The following ARHGAP26 variants were observed in gnomAD, a reference collection of about 807,000 sequenced individuals.
The protein encoded by ARHGAP26 is rho GTPase-activating protein 26.
ARHGAP26 carries 38 observed loss-of-function variants against 104.8 expected under a neutral mutation model. The ratio of observed to expected loss-of-function variants is 0.36; its 90% confidence interval spans 0.28 to 0.48. The LOEUF (loss-of-function observed/expected upper bound fraction) is 0.48, where lower values mean the gene tolerates loss of function less well. Among genes scored for constraint, ARHGAP26 ranks in the 20% least tolerant of loss-of-function variants. ARHGAP26 has a pLI of 0.99. For missense variants in ARHGAP26, 704 were observed against 947.9 expected (o/e 0.74, Z 3.38); for synonymous variants, 341 against 340.0 (o/e 1.00, Z -0.03).
At chr5:143,021,671 C>G (rs1276060451) in intron 12 of ARHGAP26, among the ~76,000 whole-genome samples, 4 of 152,196 alleles carry the variant, frequency 2.6e-5, no homozygotes, top group African/African-American at 9.7e-5. Flanking sequence ...AATAATACCC[C>G]TGCTTCATAA....
chr5:143,113,102 G>A (rs1794961204), intron 17 of ARHGAP26, among the ~76,000 whole-genome samples: 1 of 152,188 alleles, frequency 6.6e-6, no homozygotes, highest in Admixed American at 6.5e-5. Flanking sequence ...TTTTAAATAG[G>A]GAATGGAGTT....
rs11369150 is a variant in ARHGAP26, at chr5:142,949,232, G to GAGAGAGAGAGA, written c.1107+17107_1107+17108insAGAGAGAGAGA. On this transcript the variant is annotated intron_variant, in intron 11 of 22. Coordinates refer to ENST00000645722, the MANE Select transcript of ARHGAP26 (RefSeq NM_001135608.3). ...GAGAGAGAGAGAGAGGAGAGAGAGAGGAGAGAGAGAGAGAGAGAGAGAGAG... is the reference window on the plus strand; with the variant it reads ...GAGAGAGAGAGAGAGGAGAGAGAGAGAGAGAGAGAGAGAGAGAGAGAGAGAGAGAGAGAGAG... 6.6e-4 allele frequency among the ~76,000 whole-genome samples: 18 copies of GAGAGAGAGAGA among 27,316 alleles called. 2 individuals carry two copies. The highest frequency in any genetic ancestry group is 3.4e-3 in the African/African-American group (11 of 3,256). 17.9% of individuals were successfully genotyped at this position (27,316 alleles called of 152,430 possible). A position where few individuals can be genotyped will look rare whatever the true frequency, so the allele number is the denominator to read the frequency against.
chr5:142,854,605 A>G (rs1752050827), intron 1 of ARHGAP26, among the ~76,000 whole-genome samples: 1 of 152,226 alleles, frequency 6.6e-6, no homozygotes, highest in Non-Finnish European at 1.5e-5. Flanking sequence ...AGGAAACTTG[A>G]CTTGTTCTTG....
At chr5:143,109,461 T>C (rs182899011) in intron 17 of ARHGAP26, among the ~76,000 whole-genome samples, 2 of 152,248 alleles carry the variant, frequency 1.3e-5, no homozygotes, top group African/African-American at 2.4e-5. Flanking sequence ...TTTTTGTTTT[T>C]GTATTTTTTT....
chr5:142,783,059 C>G (rs1297747218), intron 1 of ARHGAP26, among the ~76,000 whole-genome samples: 1 of 152,176 alleles, frequency 6.6e-6, no homozygotes, highest in African/African-American at 2.4e-5. Flanking sequence ...GTCCTTGGAC[C>G]ACACATTAGG....
chr5:143,057,185 T>G (rs867556904), intron 16 of ARHGAP26, among the ~76,000 whole-genome samples: 9 of 152,352 alleles, frequency 5.9e-5, no homozygotes, highest in Middle Eastern at 3.4e-3. Context: ...TACTGGACAT[T>G]TCCTTTGATA....
intron 20 of ARHGAP26, among the ~76,000 whole-genome samples, chr5:143,192,824 T>C (rs1298033431): frequency 1.3e-5 from 2 of 152,174 alleles, no homozygotes; most frequent in Non-Finnish European, 2.9e-5. Flanking sequence ...TCTTCTTCCC[T>C]CTTTTTTTTT....
At chr5:142,894,097 A>G (rs1020549825) in intron 5 of ARHGAP26, 141 bp from the exon 6 acceptor site, 22 of 612,124 alleles carry the variant, frequency 3.6e-5, no homozygotes, top group Admixed American at 2.3e-4. Flanking sequence ...AATAGTTACT[A>G]TAGTTATTCT....
chr5:142,840,202 G>A (rs1358265188), intron 1 of ARHGAP26, among the ~76,000 whole-genome samples: 1 of 152,164 alleles, frequency 6.6e-6, no homozygotes, highest in Non-Finnish European at 1.5e-5. Context: ...TATCCTCATA[G>A]TCAGTGTGAT....
At chr5:143,029,830 G>A (rs942859769) in intron 12 of ARHGAP26, among the ~76,000 whole-genome samples, 3 of 152,050 alleles carry the variant, frequency 2.0e-5, no homozygotes, top group Non-Finnish European at 4.4e-5. Flanking sequence ...ATTTCCTGGG[G>A]AAAAAATTCA....
At chr5:143,209,270 C>T (rs1251928767) in intron 21 of ARHGAP26, among the ~76,000 whole-genome samples, 1 of 152,178 alleles carries the variant, frequency 6.6e-6, no homozygotes, top group Non-Finnish European at 1.5e-5. Context: ...TACCTCTTCA[C>T]TCGTTTTCAT....
At chr5:143,017,580 T>C (rs1204851342) in intron 12 of ARHGAP26, among the ~76,000 whole-genome samples, 1 of 152,234 alleles carries the variant, frequency 6.6e-6, no homozygotes, top group Admixed American at 6.5e-5. Context: ...TGTGTGTCTT[T>C]TATCTTCCTG....
chr5:142,805,136 C>T (rs1762761595), intron 1 of ARHGAP26, among the ~76,000 whole-genome samples: 1 of 149,230 alleles, frequency 6.7e-6, no homozygotes, highest in Non-Finnish European at 1.5e-5. Context: ...GGAGTTTCAC[C>T]CTTTTCGCCA....
rs1313406729 is a variant in ARHGAP26 at position 142,983,361 on chromosome 5, C to T, written c.1108-30719C>T. 3.9e-5 allele frequency among the ~76,000 whole-genome samples: 6 copies of T among 152,328 alleles called. No homozygotes were observed. In the South Asian group the frequency reaches 8.3e-4, roughly 21 times the overall value. ...ATCTGGAACTACAGGCATGTGCCACCACACCTGGCTAATTTTGTATTACTA... is the reference window on the plus strand; with the variant it reads ...ATCTGGAACTACAGGCATGTGCCACTACACCTGGCTAATTTTGTATTACTA... On this transcript the variant is annotated intron_variant, in intron 11 of 22. Transcript: ENST00000645722.
chr5:142,999,873 A>G (rs1776952871), intron 11 of ARHGAP26, among the ~76,000 whole-genome samples: 2 of 152,184 alleles, frequency 1.3e-5, no homozygotes, highest in South Asian at 4.1e-4. Flanking sequence ...CAAACCATAT[A>G]TCTGACAAAG....
At chr5:142,918,447 G>A (rs529049403) in intron 10 of ARHGAP26, among the ~76,000 whole-genome samples, 1 of 152,260 alleles carries the variant, frequency 6.6e-6, no homozygotes, top group South Asian at 2.1e-4. Flanking sequence ...GTGCCCGGCC[G>A]AGGATCCTTT....
intron 1 of ARHGAP26, among the ~76,000 whole-genome samples, chr5:142,870,414 ATAGAGGGTTTACCT>A (rs1438038331): frequency 6.6e-6 from 1 of 152,224 alleles, no homozygotes; most frequent in Non-Finnish European, 1.5e-5. Flanking sequence ...CTCAAGTAAC[ATAGAGGGTTTACCT>A]TAATGGGGTG....
At chr5:143,207,805 T>C (rs962152990) in intron 21 of ARHGAP26, among the ~76,000 whole-genome samples, 2 of 152,228 alleles carry the variant, frequency 1.3e-5, no homozygotes, top group African/African-American at 4.8e-5. Flanking sequence ...CCTTTTCTTT[T>C]CTCATGTTTA....
chr5:143,041,999 C>A, intron 14 of ARHGAP26, 109 bp downstream of exon 14: 1 of 895,628 alleles, frequency 1.1e-6, no homozygotes, highest in Non-Finnish European at 1.8e-6. Flanking sequence ...ATCGGGGTGT[C>A]CGTGAGCTGT....
Sources: allele counts gnomAD v4.1 joint callset (sites outside exome capture counted in the v4.1 genomes callset), GRCh38; gene constraint gnomAD v4.1.1; transcripts MANE v1.5; gene names NCBI Gene and HGNC (gene_info 2026-07-23, HGNC 2026-07-21).